The following CDK15 variants were observed in gnomAD, a reference collection of about 807,000 sequenced individuals.
CDK15 encodes the protein cyclin-dependent kinase 15.
In CDK15, 62 loss-of-function variants were observed where a neutral mutation model predicts 60.3. That is an observed-to-expected ratio of 1.03 (90% confidence interval 0.84 to 1.27). CDK15 has a LOEUF of 1.27. Ranked by LOEUF, CDK15 falls within the 50% of genes most tolerant of loss-of-function variation. The pLI is 0.00. For missense variants in CDK15, 541 were observed against 527.8 expected (o/e 1.03, Z -0.25); for synonymous variants, 194 against 195.7 (o/e 0.99, Z 0.07).
intron 6 of CDK15, among the ~76,000 whole-genome samples, chr2:201,828,282 A>G (rs921155491): frequency 4.4e-5 from 5 of 114,720 alleles, no homozygotes; most frequent in African/African-American, 1.7e-4. Flanking sequence ...TCTGAGGGTC[A>G]TCAGCACATA....
At chr2:201,887,771 A>C (rs528579869) in intron 12 of CDK15, among the ~76,000 whole-genome samples, 1 of 152,234 alleles carries the variant, frequency 6.6e-6, no homozygotes, top group East Asian at 1.9e-4. Flanking sequence ...TTGTGCCCCT[A>C]GTCAGAGTTT....
chr2:201,836,305 G>A (rs1697086270), intron 8 of CDK15, among the ~76,000 whole-genome samples: 1 of 146,288 alleles, frequency 6.8e-6, no homozygotes, highest in Admixed American at 7.1e-5. Context: ...CCAGATTCAA[G>A]CAATTCTCCT....
chr2:201,852,488 A>G (rs1422701641), intron 9 of CDK15, among the ~76,000 whole-genome samples: 1 of 152,252 alleles, frequency 6.6e-6, no homozygotes, highest in Non-Finnish European at 1.5e-5. Flanking sequence ...GATCAATTTT[A>G]AAAACTAATT....
At chr2:201,812,607 T>C in intron 4 of CDK15, 45 bp downstream of exon 4, 1 of 1,345,218 alleles carries the variant, frequency 7.4e-7, no homozygotes. Flanking sequence ...TTTGAGTCCT[T>C]GATTTGGTAA....
At chr2:201,853,311 G>T (rs984910454) in intron 9 of CDK15, among the ~76,000 whole-genome samples, 4 of 152,142 alleles carry the variant, frequency 2.6e-5, no homozygotes, top group Non-Finnish European at 4.4e-5. Context: ...AAAGAAGGAA[G>T]ATTTTACTGG....
chr2:201,819,510 T>C (rs1177816431), intron 4 of CDK15, among the ~76,000 whole-genome samples: 1 of 152,024 alleles, frequency 6.6e-6, no homozygotes, highest in Admixed American at 6.6e-5. Flanking sequence ...CACTGGAGGG[T>C]TTGGAACCAG....
chr2:201,839,003 C>T (rs542663615), intron 8 of CDK15, among the ~76,000 whole-genome samples: 3 of 151,956 alleles, frequency 2.0e-5, no homozygotes, highest in East Asian at 1.9e-4. Flanking sequence ...TGCAGTGGTG[C>T]GATCTCAGCT....
At chr2:201,880,542 C>A (rs950206773) in intron 12 of CDK15, among the ~76,000 whole-genome samples, 1 of 152,338 alleles carries the variant, frequency 6.6e-6, no homozygotes, top group South Asian at 2.1e-4. Context: ...ACTCTTCTCC[C>A]TTTCTGCGGA....
At chr2:201,840,310 G>T (rs1045796784) in intron 8 of CDK15, among the ~76,000 whole-genome samples, 1 of 152,078 alleles carries the variant, frequency 6.6e-6, no homozygotes, top group Non-Finnish European at 1.5e-5. Flanking sequence ...AAAATTCAAG[G>T]TTGCTAATTA....
At chr2:201,833,704 C>CTTCTTCTTA (rs1405540535) in intron 6 of CDK15, 144 bp from the exon 7 acceptor site, 5 of 570,846 alleles carry the variant, frequency 8.8e-6, no homozygotes, top group Non-Finnish European at 1.3e-5. Flanking sequence ...TAAAAATCTT[C>CTTCTTCTTA]TTCTTCTTCT....
chr2:201,888,171 T>C (rs1699526656), intron 12 of CDK15, among the ~76,000 whole-genome samples: 1 of 152,018 alleles, frequency 6.6e-6, no homozygotes. Flanking sequence ...TCCAGTGCAC[T>C]GAGCCTTCAG....
intron 8 of CDK15, among the ~76,000 whole-genome samples, chr2:201,838,006 C>T (rs1334630480): frequency 1.3e-5 from 2 of 152,128 alleles, no homozygotes; most frequent in Non-Finnish European, 2.9e-5. Context: ...CACCGCTCAG[C>T]ACTGTCACTT....
chr2:201,877,757 C>CTGGAAATTTGCAAGGATT (rs1699133657), intron 11 of CDK15, among the ~76,000 whole-genome samples: 1 of 152,178 alleles, frequency 6.6e-6, no homozygotes, highest in African/African-American at 2.4e-5. Flanking sequence ...CCTAACTGGC[C>CTGGAAATTTGCAAGGATT]TGGAAATTTG....
chr2:201,858,749 C>G (rs1023139385), intron 10 of CDK15, among the ~76,000 whole-genome samples: 1 of 151,890 alleles, frequency 6.6e-6, no homozygotes, highest in Admixed American at 6.6e-5. Context: ...TGCAGAGTAC[C>G]CAGTGTCTTG....
chr2:201,891,018 A>T lies in CDK15; in HGVS notation c.*33+91A>T. 4.6e-6 allele frequency: 3 copies of T among 653,806 alleles called. No individual in the cohort carries two copies. The South Asian group carries it at 6.4e-5, about 14-fold the overall frequency. 40.5% of individuals were successfully genotyped at this position (653,806 alleles called of 1,614,324 possible). On this transcript the variant is annotated intron_variant, in intron 13 of 13. Coordinates refer to ENST00000652192, the MANE Select transcript of CDK15 (RefSeq NM_001366386.2). ...AGGACATTGCTCAGGGATTCAGAGCACCTCTGTGCTGTTTCTAGTTCTTCT... is the reference window on the plus strand; with the variant it reads ...AGGACATTGCTCAGGGATTCAGAGCTCCTCTGTGCTGTTTCTAGTTCTTCT...
At chr2:201,866,512 A>G (rs1162965988) in intron 10 of CDK15, among the ~76,000 whole-genome samples, 1 of 152,136 alleles carries the variant, frequency 6.6e-6, no homozygotes, top group African/African-American at 2.4e-5. Context: ...TTCCTTTTGC[A>G]ACTTTGCTTT....
At chr2:201,826,248 C>T (rs1379121494) in intron 6 of CDK15, among the ~76,000 whole-genome samples, 20 of 152,132 alleles carry the variant, frequency 1.3e-4, no homozygotes, top group South Asian at 6.2e-4. Flanking sequence ...ATCACAAGGT[C>T]AGGAGATCAA....
chr2:201,830,936 C>T (rs1696725834), intron 6 of CDK15, among the ~76,000 whole-genome samples: 1 of 152,120 alleles, frequency 6.6e-6, no homozygotes, highest in African/African-American at 2.4e-5. Flanking sequence ...CTCAAGGTCT[C>T]ATTTAAGGAA....
chr2:201,849,364 C>T (rs1697807550), intron 9 of CDK15, among the ~76,000 whole-genome samples: 1 of 152,184 alleles, frequency 6.6e-6, no homozygotes, highest in Non-Finnish European at 1.5e-5. Flanking sequence ...TTTCACTTAG[C>T]AGTATTATTT....
Sources: gnomAD v4.1 joint callset for allele counts (sites outside exome capture counted in the v4.1 genomes callset) on GRCh38, gnomAD v4.1.1 for gene constraint, MANE v1.5 for transcripts, NCBI Gene and HGNC (gene_info 2026-07-23, HGNC 2026-07-21) for gene names.